The following PTPRE variants were observed in gnomAD, a reference collection of about 807,000 sequenced individuals.
PTPRE encodes the protein receptor-type tyrosine-protein phosphatase epsilon.
Under a neutral mutation model 102.0 loss-of-function variants are expected in PTPRE, and 51 were observed. The observed-to-expected ratio is 0.50, with a 90% CI of 0.40 to 0.63. PTPRE has a LOEUF of 0.63. PTPRE is among the 30% of genes least tolerant of loss of function. PTPRE has a pLI of 0.00. For synonymous variants in PTPRE, 345 were observed against 348.2 expected, an observed-to-expected ratio of 0.99 and a Z score of 0.10; for missense variants, 752 against 915.1, an observed-to-expected ratio of 0.82 and a Z score of 2.30.
At chr10:127,996,928 C>G (rs974037485) in intron 2 of PTPRE, among the ~76,000 whole-genome samples, 1 of 152,058 alleles carries the variant, frequency 6.6e-6, no homozygotes, top group African/African-American at 2.4e-5. Flanking sequence ...AAACAACAAA[C>G]CTTCTCAGCC....
In PTPRE at chr10:128,047,440, C is replaced by T; in HGVS notation, c.160C>T (p.Pro54Ser). 1 of 1,613,342 alleles carries T rather than the reference C, an allele frequency of 6.2e-7. No individual in the cohort carries two copies. The highest frequency in any genetic ancestry group is 8.5e-7 in the Non-Finnish European group (1 of 1,180,018). ...SQPLLAWLLL[P>S]LLLLLLVLLL... ...GCCGCTGCTGGCCTGGCTGCTACTG[C>T]CGCTGCTGCTCCTCCTCCTCGTGCT... The change falls in exon 4 of 21, where the codon CCG becomes TCG. Residue 54 changes from proline to serine, a missense_variant. Transcript: ENST00000254667.
At chr10:127,978,420 C>G (rs554144313) in intron 1 of PTPRE, among the ~76,000 whole-genome samples, 1 of 152,158 alleles carries the variant, frequency 6.6e-6, no homozygotes, top group Non-Finnish European at 1.5e-5. Flanking sequence ...CACCTGTAGT[C>G]CCAGCTACTC....
intron 2 of PTPRE, among the ~76,000 whole-genome samples, chr10:127,984,270 G>A (rs1241376147): frequency 6.6e-6 from 1 of 151,672 alleles, no homozygotes; most frequent in Non-Finnish European, 1.5e-5. Context: ...TAGTAGAGAC[G>A]GGGTTTCTGC....
chr10:127,982,331 G>A (rs1333642182), intron 2 of PTPRE, 35 bp downstream of exon 2: 3 of 1,169,668 alleles, frequency 2.6e-6, no homozygotes, highest in Non-Finnish European at 3.4e-6. Flanking sequence ...TATTTTTGAT[G>A]TACAGATAAC....
intron 1 of PTPRE, among the ~76,000 whole-genome samples, chr10:127,978,795 T>G (rs1851389073): frequency 6.6e-6 from 1 of 151,674 alleles, no homozygotes; most frequent in South Asian, 2.1e-4. Flanking sequence ...CCGAGGAGGG[T>G]GGATCACTTG....
At chr10:128,054,107 A>C (rs571049242) in intron 6 of PTPRE, among the ~76,000 whole-genome samples, 52 of 152,180 alleles carry the variant, frequency 3.4e-4, no homozygotes, top group Non-Finnish European at 6.8e-4. Flanking sequence ...TTAGCTATAC[A>C]GAATAATTGC....
In PTPRE at chr10:128,028,415, C is replaced by T. The variant is rs61875262; in HGVS notation, c.-7-12460C>T. ...CCGCCCCAGGCTGGAATTGCTGGGC[C>T]GTGATCTCCTCCATCTTTTCTTTCT... On this transcript the variant is annotated intron_variant, in intron 2 of 20. Coordinates refer to ENST00000254667, the MANE Select transcript of PTPRE (RefSeq NM_006504.6). This position sits in a 1 kb window ranked among gnomAD's most constrained non-coding sequence, Gnocchi z 4.5. Among the ~76,000 whole-genome samples, 6,096 of 152,220 alleles carry T rather than the reference C, an allele frequency of 0.04. 174 individuals carry two copies. Among genetic ancestry groups the T allele is most frequent in the Middle Eastern group, 0.088 (26 of 294 alleles).
rs1380799956 is a variant in PTPRE at position 128,079,691 on chromosome 10, C to A, written c.2024C>A (p.Thr675Asn). 1 of 1,611,838 alleles carries A rather than the reference C, an allele frequency of 6.2e-7. No homozygotes were observed. Among genetic ancestry groups the A allele is most frequent in the African/African-American group, 1.3e-5 (1 of 74,960 alleles). Residue 675 changes from threonine to asparagine, a missense_variant, in exon 20 of 21, where the codon ACC becomes AAC. Thr to Asn is a moderately conservative substitution (Grantham distance 65). This residue lies in a region of PTPRE where 636 missense variants were observed against 824.4 expected (regional missense o/e 0.77). Transcript: ENST00000254667. ...CTTCAGAGACCACATATGGTGCAAA[C>A]CCTGGTAAGAATCTGAATAAGGATG... The part of the protein sequence containing the change: ...LRLQRPHMVQ[T>N]LEQYEFCYKV...
intron 2 of PTPRE, among the ~76,000 whole-genome samples, chr10:128,019,455 G>T (rs968885935): frequency 6.6e-6 from 1 of 152,236 alleles, no homozygotes; most frequent in Non-Finnish European, 1.5e-5. Flanking sequence ...AGAACTCTGG[G>T]AAAGGAGCAG....
chr10:128,060,232 CACAT>C (rs910169261), intron 7 of PTPRE, among the ~76,000 whole-genome samples: 6 of 150,668 alleles, frequency 4.0e-5, no homozygotes, highest in African/African-American at 1.5e-4. Context: ...ACACATTACA[CACAT>C]ACACAACCAC....
At chr10:128,058,663 G>A (rs531683128) in intron 7 of PTPRE, among the ~76,000 whole-genome samples, 12 of 152,274 alleles carry the variant, frequency 7.9e-5, no homozygotes, top group South Asian at 6.2e-4. Flanking sequence ...TGCTCCACCC[G>A]CCCCCAGGGT....
intron 1 of PTPRE, among the ~76,000 whole-genome samples, chr10:127,963,147 A>G (rs889677631): frequency 6.6e-6 from 1 of 152,098 alleles, no homozygotes; most frequent in Non-Finnish European, 1.5e-5. Context: ...GTAACCCATG[A>G]TATCCTAGGG....
At position 128,085,568 on chromosome 10, in the gene PTPRE, G is replaced by A. The variant is rs986570822; in HGVS notation, c.*2662G>A. On this transcript the variant is annotated 3_prime_UTR_variant, in exon 21 of 21. Transcript: ENST00000254667. ...TTTAAACACTTTTTTAAATGAGCCT[G>A]ACACCTGTGTTTCAGCATTTGGAGA... is the stretch of plus-strand genomic sequence containing the variant. 8 of 152,856 alleles carry A rather than the reference G, an allele frequency of 5.2e-5. No individual in the cohort carries two copies. The highest frequency in any genetic ancestry group is 1.9e-4 in the African/African-American group (8 of 41,444). The allele number at this position is 152,856 out of a possible 1,614,324, so 9.5% of individuals were successfully genotyped here. A position where few individuals can be genotyped will look rare whatever the true frequency, so the allele number is the denominator to read the frequency against.
chr10:128,055,728 G>A (rs1254694404), intron 6 of PTPRE, among the ~76,000 whole-genome samples: 2 of 152,066 alleles, frequency 1.3e-5, no homozygotes, highest in African/African-American at 2.4e-5. Flanking sequence ...GCCTGTCCTC[G>A]CTCCCCCATC....
chr10:127,958,555 T>C (rs903227417), intron 1 of PTPRE, among the ~76,000 whole-genome samples: 1 of 152,258 alleles, frequency 6.6e-6, no homozygotes, highest in Non-Finnish European at 1.5e-5. Context: ...CACTTGGTTA[T>C]GGTGAATACT....
At chr10:128,043,126 G>A (rs753876720) in intron 3 of PTPRE, among the ~76,000 whole-genome samples, 30 of 152,254 alleles carry the variant, frequency 2.0e-4, no homozygotes, top group Non-Finnish European at 3.2e-4. Context: ...CAGTTTTTCC[G>A]TGGAATTGGG....
At chr10:128,010,643 G>C (rs962160929) in intron 2 of PTPRE, among the ~76,000 whole-genome samples, 26 of 149,350 alleles carry the variant, frequency 1.7e-4, no homozygotes, top group African/African-American at 6.4e-4. Flanking sequence ...AGGGCAGTGA[G>C]GGCAGTGGCG....
intron 2 of PTPRE, among the ~76,000 whole-genome samples, chr10:127,993,991 G>A (rs74159118): frequency 0.02 from 3,019 of 152,284 alleles, 115 homozygotes; most frequent in African/African-American, 0.069. Context: ...GGCCAGGTGT[G>A]AGTTGAGGGG....
At chr10:128,004,548 T>A (rs1426285891) in intron 2 of PTPRE, among the ~76,000 whole-genome samples, 1 of 152,196 alleles carries the variant, frequency 6.6e-6, no homozygotes, top group East Asian at 1.9e-4. Flanking sequence ...AGCATTTGTT[T>A]TGAGGTTCAC....
Sources: gnomAD v4.1 joint callset for allele counts (sites outside exome capture counted in the v4.1 genomes callset) on GRCh38, gnomAD v4.1.1 for gene constraint, gnomAD v4.1.1 regional missense constraint, Gnocchi (gnomAD v3.1) non-coding constraint, MANE v1.5 for transcripts, NCBI Gene and HGNC (gene_info 2026-07-23, HGNC 2026-07-21) for gene names.